Variants in TMCO6 observed in about 807,000 individuals in gnomAD.
TMCO6 encodes transmembrane and coiled-coil domains 6.
Under a neutral mutation model 61.8 loss-of-function variants are expected in TMCO6, and 47 were observed. The observed-to-expected ratio is 0.76, with a 90% CI of 0.60 to 0.97. The LOEUF (loss-of-function observed/expected upper bound fraction) is 0.97. Among genes scored for constraint, TMCO6 ranks in the 50% least tolerant of loss-of-function variants. TMCO6 has a pLI of 0.00. For missense variants in TMCO6, 557 were observed against 601.6 expected, an observed-to-expected ratio of 0.93 and a Z score of 0.78; for synonymous variants, 261 against 254.2, an observed-to-expected ratio of 1.03 and a Z score of -0.25.
chr5:140,643,740 T>G, intron 8 of TMCO6, 40 bp from the exon 9 acceptor site: 1 of 1,608,266 alleles, frequency 6.2e-7, no homozygotes, highest in Non-Finnish European at 8.5e-7. Flanking sequence ...GCAGGTAACC[T>G]CTTCCTTCTT....
chr5:140,643,474 G>C, intron 7 of TMCO6, 90 bp from the exon 8 acceptor site: 1 of 1,236,868 alleles, frequency 8.1e-7, no homozygotes, highest in Non-Finnish European at 1.2e-6. Context: ...TGGGATTACA[G>C]GCATAAGCCA....
the TMCO6 span, among the ~76,000 whole-genome samples, chr5:140,610,333 G>T: frequency 6.6e-6 from 1 of 152,016 alleles, no homozygotes; most frequent in African/African-American, 2.4e-5. Context: ...CTCCAGCCTG[G>T]CGACGGCACA....
At chr5:140,641,642 C>A in intron 2 of TMCO6, 23 bp from the exon 3 acceptor site, 1 of 1,608,066 alleles carries the variant, frequency 6.2e-7, no homozygotes, top group Non-Finnish European at 8.5e-7. Context: ...CGTGTGTTCT[C>A]CTTTCCCTGC....
chr5:140,610,186 T>TAAAAAAAA, the TMCO6 span, among the ~76,000 whole-genome samples: 10 of 70,744 alleles, frequency 1.4e-4, no homozygotes, highest in African/African-American at 5.0e-4. Flanking sequence ...CCATTTCTAC[T>TAAAAAAAA]AAAAAAAAAA....
the TMCO6 span, among the ~76,000 whole-genome samples, chr5:140,610,930 T>G: frequency 6.6e-6 from 1 of 152,232 alleles, no homozygotes; most frequent in Non-Finnish European, 1.5e-5. Flanking sequence ...TGAGAGGTGT[T>G]GAATTTTGTC....
upstream of TMCO6, among the ~76,000 whole-genome samples, chr5:140,636,883 C>T (rs5744443): frequency 3.3e-3 from 497 of 152,178 alleles, 3 homozygotes; most frequent in Middle Eastern, 6.8e-3. Flanking sequence ...TAGAGGTTTC[C>T]TGTAAAAATT....
chr5:140,647,126 G>T, downstream of TMCO6: 2 of 1,016,242 alleles, frequency 2.0e-6, no homozygotes, highest in Non-Finnish European at 2.8e-6. Context: ...ATGGAAACAA[G>T]ATCAACAGCA....
In TMCO6 at chr5:140,645,212, C is replaced by T. The variant is rs1428309478; in HGVS notation, c.*114C>T. ...AGGTCTCATGTTCTCTGCTCCCACA[C>T]CTAAGCCAAGACCTTTGGGTCCCAG... On this transcript the variant is annotated 3_prime_UTR_variant, in exon 12 of 12. Transcript: ENST00000394671. 1.8e-6 allele frequency: 2 copies of T among 1,104,054 alleles called. No homozygotes were observed. The highest frequency in any genetic ancestry group is 2.7e-6 in the Non-Finnish European group (2 of 753,112). 68.4% of individuals were successfully genotyped at this position (1,104,054 alleles called of 1,614,324 possible). A position where few individuals can be genotyped will look rare whatever the true frequency, so the allele number is the denominator to read the frequency against.
At chr5:140,613,946 T>C in the TMCO6 span, among the ~76,000 whole-genome samples, 1 of 151,840 alleles carries the variant, frequency 6.6e-6, no homozygotes, top group Non-Finnish European at 1.5e-5. Context: ...TCGCCCAGGC[T>C]GGAGTGCAGT....
At chr5:140,600,454 G>A in the TMCO6 span, among the ~76,000 whole-genome samples, 2 of 151,654 alleles carry the variant, frequency 1.3e-5, no homozygotes, top group Non-Finnish European at 2.9e-5. Context: ...ATTACCCATA[G>A]GGTGAATTTG....
chr5:140,627,438 G>A, the TMCO6 span, among the ~76,000 whole-genome samples: 75 of 152,328 alleles, frequency 4.9e-4, no homozygotes, highest in African/African-American at 1.7e-3. Context: ...AGTAAACTCA[G>A]TGTCTGACCT....
Position 140,642,932 on chromosome 5 carries a change from T to A in TMCO6, c.697T>A (p.Leu233Met), listed in dbSNP as rs777228100. 1 of 1,614,164 alleles carries A rather than the reference T, an allele frequency of 6.2e-7. No homozygotes were observed. Among genetic ancestry groups the A allele is most frequent in the Admixed American group, 1.7e-5 (1 of 60,016 alleles). ...CCCTGCTTCTGCCAGCAGCTCCATC[T>A]TGGCCTCCACTCTCCCTCAGCACAT... Reference protein sequence around the residue: ...EAPEKIIPSILASTLPQHMLQ... With the variant: ...EAPEKIIPSIMASTLPQHMLQ... Residue 233 changes from leucine to methionine, a missense_variant, in exon 7 of 12, where the codon TTG becomes ATG. Leu to Met is a conservative substitution (Grantham distance 15, BLOSUM62 2). Transcript: ENST00000394671.
At chr5:140,646,304 C>T (rs1757394945), downstream of TMCO6, among the ~76,000 whole-genome samples, 1 of 152,188 alleles carries the variant, frequency 6.6e-6, no homozygotes, top group Non-Finnish European at 1.5e-5. Context: ...AACCACCGCA[C>T]CCAGCTGGGT....
the TMCO6 span, among the ~76,000 whole-genome samples, chr5:140,618,635 C>T: frequency 2.6e-5 from 4 of 152,048 alleles, no homozygotes; most frequent in African/African-American, 7.2e-5. Flanking sequence ...TTTTCTGCTA[C>T]TCTCCCTCTT....
chr5:140,605,165 C>G, the TMCO6 span, among the ~76,000 whole-genome samples: 1 of 152,152 alleles, frequency 6.6e-6, no homozygotes, highest in Non-Finnish European at 1.5e-5. Flanking sequence ...ATAGAAACAA[C>G]TAATTTTTGT....
the TMCO6 span, among the ~76,000 whole-genome samples, chr5:140,622,047 AT>A: frequency 6.6e-6 from 1 of 151,944 alleles, no homozygotes; most frequent in African/African-American, 2.4e-5. Context: ...TTGCCTTGTG[AT>A]TTTCTATTAC....
the TMCO6 span, among the ~76,000 whole-genome samples, chr5:140,625,206 T>C: frequency 1.3e-5 from 2 of 152,166 alleles, no homozygotes; most frequent in Non-Finnish European, 2.9e-5. Context: ...TCTTCTAACT[T>C]ACTCTCTATA....
the TMCO6 span, chr5:140,632,530 C>A: frequency 6.2e-7 from 1 of 1,614,204 alleles, no homozygotes; most frequent in Non-Finnish European, 8.5e-7. This position sits in a 1 kb window ranked among gnomAD's most constrained non-coding sequence, Gnocchi z 6.2. Context: ...GCCCACGACA[C>A]GTTGCGTAGG....
chr5:140,639,653 G>A (rs1756889608), intron 1 of TMCO6, 41 bp downstream of exon 1: 1 of 1,540,288 alleles, frequency 6.5e-7, no homozygotes, highest in East Asian at 2.4e-5. Context: ...ATGGCGGTCG[G>A]GGATAAGTTG....
Sources: gnomAD v4.1 joint callset for allele counts (sites outside exome capture counted in the v4.1 genomes callset) on GRCh38, gnomAD v4.1.1 for gene constraint, Gnocchi (gnomAD v3.1) non-coding constraint, MANE v1.5 for transcripts, NCBI Gene and HGNC (gene_info 2026-07-23, HGNC 2026-07-21) for gene names.